The following MADD variants were observed in gnomAD, a reference collection of about 807,000 sequenced individuals.
MADD encodes the protein MAP kinase activating death domain.
In MADD, 109 loss-of-function variants were observed where a neutral mutation model predicts 176.7. That is an observed-to-expected ratio of 0.62 (90% CI 0.53 to 0.72). The LOEUF is 0.72. Among genes scored for constraint, MADD ranks in the 30% least tolerant of loss-of-function variants. The pLI, the probability that MADD is intolerant of heterozygous loss-of-function variation, is 0.00. For synonymous variants in MADD, 771 were observed against 771.3 expected, an observed-to-expected ratio of 1.00 and a Z score of 0.01; for missense variants, 1,914 against 2,045.5, an observed-to-expected ratio of 0.94 and a Z score of 1.24.
intron 20 of MADD, 74 bp from the exon 23 acceptor site, chr11:47,295,422 A>G (rs148921420): frequency 8.0e-7 from 1 of 1,244,318 alleles, no homozygotes; most frequent in African/African-American, 1.5e-5. Flanking sequence ...GGAGAAAGAA[A>G]AAGGTACAGT....
rs1038776924 is a variant in MADD, at chr11:47,325,030, T to C, written c.4542+453T>C. 4.2e-6 allele frequency: 2 copies of C among 471,766 alleles called. No individual in the cohort carries two copies. Among genetic ancestry groups the C allele is most frequent in the Non-Finnish European group, 7.7e-6 (2 of 260,792 alleles). The allele number at this position is 471,766 out of a possible 1,614,324, so 29.2% of individuals were successfully genotyped here. A position where few individuals can be genotyped will look rare whatever the true frequency, so the allele number is the denominator to read the frequency against. ...GCGTGCGTGCGTGCCTGCGTGCTTG[T>C]GTGTAAGTAGCTTGTATCTGTCCTC... On this transcript the variant is annotated intron_variant, in intron 30 of 32. Coordinates refer to ENST00000402192, the Ensembl canonical transcript of MADD. This position sits in a 1 kb window ranked among gnomAD's most constrained non-coding sequence, Gnocchi z 4.5.
At chr11:47,319,985 C>T (rs1419766509) in intron 27 of MADD, among the ~76,000 whole-genome samples, 20 of 86,374 alleles carry the variant, frequency 2.3e-4, no homozygotes, top group African/African-American at 9.3e-4. Flanking sequence ...AGCGAGACTC[C>T]ATCGCAAAAA....
chr11:47,275,876 G>A (rs1387161851), intron 3 of MADD, 23 bp from the exon 4 acceptor site: 1 of 1,588,382 alleles, frequency 6.3e-7, no homozygotes, highest in South Asian at 1.1e-5. Flanking sequence ...TAATGTGTCT[G>A]ATTCCTGCTG....
chr11:47,282,237 A>AG, intron 8 of MADD, 144 bp from the exon 9 acceptor site: 2 of 639,220 alleles, frequency 3.1e-6, no homozygotes, highest in Non-Finnish European at 5.5e-6. Context: ...CAGGATGAAG[A>AG]GGGGGCTGAT....
intron 21 of MADD, 158 bp from the exon 24 acceptor site, chr11:47,295,739 C>G (rs751380741): frequency 1.8e-5 from 18 of 985,244 alleles, no homozygotes; most frequent in Non-Finnish European, 2.0e-5. Context: ...CGAGATTTCA[C>G]CCAGAGCTTC....
chr11:47,295,953 A>T (rs1565420181), exon 22 of MADD: 1 of 1,614,110 alleles, frequency 6.2e-7, no homozygotes, highest in Admixed American at 1.7e-5. Context: ...GCAGCAATGC[A>T]GGTGATGGAC....
intron 15 of MADD, chr11:47,289,004 A>C (rs777830935): frequency 6.3e-6 from 10 of 1,596,064 alleles, no homozygotes; most frequent in East Asian, 2.3e-5. Flanking sequence ...ATTGTTACTG[A>C]AGCCGGCCCC....
At chr11:47,287,442 G>A (rs1006941315) in intron 15 of MADD, among the ~76,000 whole-genome samples, 2 of 152,130 alleles carry the variant, frequency 1.3e-5, no homozygotes, top group African/African-American at 4.8e-5. Flanking sequence ...GTGTCACTCC[G>A]TCACCCAGGC....
At chr11:47,303,094 G>C (rs2079204349) in intron 22 of MADD, among the ~76,000 whole-genome samples, 1 of 152,000 alleles carries the variant, frequency 6.6e-6, no homozygotes, top group Non-Finnish European at 1.5e-5. Flanking sequence ...ACTTTGCTGG[G>C]TATAGTATTC....
At chr11:47,328,904 G>A in intron 32 of MADD, 142 bp from the exon 37 acceptor site, 1 of 955,262 alleles carries the variant, frequency 1.0e-6, no homozygotes, top group East Asian at 2.4e-5. Context: ...CTCCCATGGG[G>A]ACAGCTTCCT....
intron 27 of MADD, among the ~76,000 whole-genome samples, chr11:47,323,358 A>AAGC (rs1253483328): frequency 2.0e-5 from 3 of 151,690 alleles, no homozygotes; most frequent in Non-Finnish European, 2.9e-5. Context: ...AGATGGCGCC[A>AAGC]CTGCAGTCAA....
At chr11:47,275,139 C>T in exon 3 of MADD, 27 of 1,613,560 alleles carry the variant, frequency 1.7e-5, no homozygotes, top group Non-Finnish European at 2.3e-5. Context: ...AGAAACTGGG[C>T]ATCCCTCGAG....
intron 4 of MADD, among the ~76,000 whole-genome samples, 183 bp from the exon 5 acceptor site, chr11:47,276,548 CT>C (rs1423534502): frequency 3.3e-5 from 5 of 152,156 alleles, no homozygotes; most frequent in Admixed American, 2.6e-4. Context: ...TCTCAGGTGA[CT>C]GAGGATCACC....
intron 27 of MADD, among the ~76,000 whole-genome samples, chr11:47,320,365 G>T (rs879327773): frequency 1.5e-4 from 22 of 151,402 alleles, no homozygotes; most frequent in Admixed American, 4.0e-4. Context: ...CTGAGGCAGA[G>T]AATTGTTTGA....
At chr11:47,309,693 C>T in intron 25 of MADD, 81 bp downstream of exon 28, 1 of 1,050,244 alleles carries the variant, frequency 9.5e-7, no homozygotes, top group Non-Finnish European at 1.5e-6. Context: ...TTCGGGGTAG[C>T]TGGGAAGCTA....
intron 29 of MADD, 40 bp from the exon 33 acceptor site, chr11:47,324,431 C>G: frequency 6.2e-7 from 1 of 1,600,638 alleles, no homozygotes; most frequent in Non-Finnish European, 8.6e-7. Flanking sequence ...TGGGATTCCC[C>G]ACCTCACCAG....
chr11:47,323,146 G>A (rs2094795320), intron 27 of MADD, among the ~76,000 whole-genome samples: 1 of 151,544 alleles, frequency 6.6e-6, no homozygotes, highest in Non-Finnish European at 1.5e-5. Flanking sequence ...GCTGAGGCAG[G>A]AGAATCATTT....
At chr11:47,305,861 G>T (rs1320491797) in intron 22 of MADD, among the ~76,000 whole-genome samples, 1 of 152,134 alleles carries the variant, frequency 6.6e-6, no homozygotes, top group African/African-American at 2.4e-5. Flanking sequence ...TGGGACATGG[G>T]GTACTGTGTC....
intron 7 of MADD, among the ~76,000 whole-genome samples, chr11:47,279,922 T>C (rs568991373): frequency 1.3e-5 from 2 of 151,966 alleles, no homozygotes; most frequent in Non-Finnish European, 2.9e-5. Flanking sequence ...AATACAAAAA[T>C]TAGCCGGGCA....
Sources: gnomAD v4.1 joint callset for allele counts (sites outside exome capture counted in the v4.1 genomes callset) on GRCh38, gnomAD v4.1.1 for gene constraint, Gnocchi (gnomAD v3.1) non-coding constraint, MANE v1.5 for transcripts, NCBI Gene and HGNC (gene_info 2026-07-23, HGNC 2026-07-21) for gene names.